LGSN: variants seen among roughly 807,000 people sequenced by gnomAD.
LGSN encodes lengsin, lens protein with glutamine synthetase domain.
LGSN carries 21 observed loss-of-function variants against 19.5 expected under a neutral mutation model. The observed-to-expected ratio is 1.07, with a 90% confidence interval of 0.76 to 1.55. LGSN has a LOEUF of 1.55. LGSN is among the 40% of genes most tolerant of loss of function. LGSN has a pLI of 0.00. For missense variants in LGSN, 673 were observed against 608.5 expected (o/e 1.11, Z -1.12); for synonymous variants, 257 against 215.6 (o/e 1.19, Z -1.68).
intron 1 of LGSN, among the ~76,000 whole-genome samples, chr6:63,304,522 T>A (rs75500768): frequency 6.6e-6 from 1 of 152,204 alleles, no homozygotes; most frequent in African/African-American, 2.4e-5. Context: ...ATAAATACAC[T>A]GGGTTTTGTA....
At chr6:63,306,980 G>T (rs948302085) in intron 1 of LGSN, among the ~76,000 whole-genome samples, 1 of 151,878 alleles carries the variant, frequency 6.6e-6, no homozygotes, top group South Asian at 2.1e-4. Flanking sequence ...CAAAACTACC[G>T]GAATGCTGTT....
At chr6:63,466,260 T>G in the LGSN span, among the ~76,000 whole-genome samples, 1 of 152,126 alleles carries the variant, frequency 6.6e-6, no homozygotes, top group Non-Finnish European at 1.5e-5. Context: ...TTTATTTTTA[T>G]TTTTACTTTT....
Position 63,280,585 on chromosome 6 carries a change from A to G in LGSN, c.966T>C (p.Asp322=). The G allele has an allele frequency of 6.2e-7, 1 of 1,614,066 alleles. No homozygotes were observed. The highest frequency in any genetic ancestry group is 8.5e-7 in the Non-Finnish European group (1 of 1,180,024). ...TGCTGCAGAACATGTTTTTCTTCCT[A>G]TCGACATCCCAGAGACTATGAGACA... ...GILSHSLWDV[D]RKKNMFCSTS... is the part of the protein sequence containing the mutation. The change falls in exon 4 of 4, where the codon GAT becomes GAC. Residue 322 remains aspartate, a synonymous_variant. Coordinates refer to ENST00000370657, the MANE Select transcript of LGSN (RefSeq NM_016571.3).
intron 1 of LGSN, among the ~76,000 whole-genome samples, chr6:63,317,532 TATAAAATG>T: frequency 6.6e-6 from 1 of 152,268 alleles, no homozygotes; most frequent in South Asian, 2.1e-4. Context: ...GGTAAATAAT[TATAAAATG>T]AACTATAAAC....
chr6:63,280,016 C>A lies in LGSN; in HGVS notation c.*5G>T. The A allele has an allele frequency of 1.3e-6, 2 of 1,583,040 alleles. No individual in the cohort carries two copies. Among genetic ancestry groups the A allele is most frequent in the South Asian group, 1.2e-5 (1 of 84,374 alleles). The stretch of plus-strand genomic sequence containing the variant: ...ATGTCTAAAGGAGTAGTTGTGAGCT[C>A]TATTCTAAATAAAATACTCTAAGAA... On this transcript the variant is annotated 3_prime_UTR_variant, in exon 4 of 4. Coordinates refer to ENST00000370657, the MANE Select transcript of LGSN (RefSeq NM_016571.3).
At chr6:63,377,473 G>A in the LGSN span, among the ~76,000 whole-genome samples, 3 of 152,304 alleles carry the variant, frequency 2.0e-5, no homozygotes, top group African/African-American at 2.4e-5. Context: ...TCAAAGAAGT[G>A]CAAGGATAAA....
the LGSN span, among the ~76,000 whole-genome samples, chr6:63,484,358 A>G: frequency 6.6e-6 from 1 of 152,090 alleles, no homozygotes; most frequent in East Asian, 1.9e-4. Flanking sequence ...ACTAAAAATC[A>G]AAAATAATTT....
At chr6:63,390,626 G>A in the LGSN span, among the ~76,000 whole-genome samples, 1 of 151,508 alleles carries the variant, frequency 6.6e-6, no homozygotes, top group Non-Finnish European at 1.5e-5. Context: ...GGAGGCCGAG[G>A]CGGGCGGATC....
the LGSN span, among the ~76,000 whole-genome samples, chr6:63,458,683 C>T: frequency 6.6e-6 from 1 of 152,150 alleles, no homozygotes; most frequent in Non-Finnish European, 1.5e-5. Flanking sequence ...CGCTAGGGAC[C>T]TCTCTAATTC....
chr6:63,350,425 C>A, the LGSN span, among the ~76,000 whole-genome samples: 1 of 152,186 alleles, frequency 6.6e-6, no homozygotes, highest in Admixed American at 6.5e-5. Context: ...TATTTGTCTG[C>A]AAACCATAAA....
chr6:63,564,055 AT>A, the LGSN span, among the ~76,000 whole-genome samples: 1 of 152,178 alleles, frequency 6.6e-6, no homozygotes. Flanking sequence ...CAGGCGGATC[AT>A]TTGAGGTCAG....
chr6:63,361,352 A>T, the LGSN span, among the ~76,000 whole-genome samples: 1 of 152,190 alleles, frequency 6.6e-6, no homozygotes, highest in Non-Finnish European at 1.5e-5. Flanking sequence ...AGCCTCGGCA[A>T]TGGTGGGCAC....
chr6:63,497,004 T>C, the LGSN span, among the ~76,000 whole-genome samples: 2 of 152,046 alleles, frequency 1.3e-5, no homozygotes, highest in African/African-American at 4.8e-5. Context: ...TATGTTTTTA[T>C]TTTTATTTTT....
At chr6:63,572,457 G>T in the LGSN span, 2 of 383,736 alleles carry the variant, frequency 5.2e-6, no homozygotes, top group Non-Finnish European at 4.6e-6. Context: ...GGCTATAAAG[G>T]GGAGGGCTTG....
the LGSN span, among the ~76,000 whole-genome samples, chr6:63,551,177 T>G: frequency 6.6e-6 from 1 of 152,142 alleles, no homozygotes; most frequent in Non-Finnish European, 1.5e-5. Flanking sequence ...GTGATTCTCC[T>G]GCCTCAGCCT....
chr6:63,384,071 C>A, the LGSN span, among the ~76,000 whole-genome samples: 1 of 152,280 alleles, frequency 6.6e-6, no homozygotes, highest in East Asian at 1.9e-4. Flanking sequence ...TGCTTCTAAA[C>A]GTTTAGACCA....
At chr6:63,328,251 G>A in the LGSN span, among the ~76,000 whole-genome samples, 3 of 152,150 alleles carry the variant, frequency 2.0e-5, no homozygotes, top group East Asian at 1.9e-4. Flanking sequence ...TTAAGGTCAG[G>A]ATTAGTTAAG....
the LGSN span, among the ~76,000 whole-genome samples, chr6:63,402,499 G>A: frequency 6.6e-6 from 1 of 152,134 alleles, no homozygotes; most frequent in South Asian, 2.1e-4. Context: ...TACCATAAAA[G>A]TACTTAAACA....
chr6:63,383,104 G>T, the LGSN span, among the ~76,000 whole-genome samples: 1 of 152,016 alleles, frequency 6.6e-6, no homozygotes, highest in Non-Finnish European at 1.5e-5. Context: ...ACCTTTAAAA[G>T]AGCAGATTTA....
Sources: allele counts gnomAD v4.1 joint callset (sites outside exome capture counted in the v4.1 genomes callset), GRCh38; gene constraint gnomAD v4.1.1; transcripts MANE v1.5; gene names NCBI Gene and HGNC (gene_info 2026-07-23, HGNC 2026-07-21).